Variants in DTNB observed in about 807,000 individuals in gnomAD.
DTNB encodes the protein DTN-B.
In DTNB, 63 loss-of-function variants were observed where a neutral mutation model predicts 90.7. The ratio of observed to expected loss-of-function variants is 0.69; its 90% CI spans 0.57 to 0.86. The LOEUF (loss-of-function observed/expected upper bound fraction) is 0.86. Among genes scored for constraint, DTNB ranks in the 40% least tolerant of loss-of-function variants. DTNB has a pLI of 0.00. For synonymous variants in DTNB, 277 were observed against 286.7 expected (o/e 0.97, Z 0.34); for missense variants, 744 against 807.1 (o/e 0.92, Z 0.95).
intron 8 of DTNB, among the ~76,000 whole-genome samples, chr2:25,560,384 A>G (rs751232924): frequency 2.7e-4 from 41 of 152,234 alleles, no homozygotes; most frequent in Non-Finnish European, 5.6e-4. Flanking sequence ...TAGACTGTGT[A>G]AAAGAGATGG....
At position 25,377,400 on chromosome 2, in the gene DTNB, G is replaced by C. The variant is rs556182242; in HGVS notation, c.*183C>G. Reference sequence around the variant, plus strand: ...ACGCAGCCCCTCCCCGCTTCCCACCGGCTCTGGCTCCCCTCTCCCTGGCGG... The same window carrying C: ...ACGCAGCCCCTCCCCGCTTCCCACCCGCTCTGGCTCCCCTCTCCCTGGCGG... On this transcript the variant is annotated 3_prime_UTR_variant, in exon 21 of 21. Transcript: ENST00000406818. The C allele has an allele frequency of 6.5e-6, 1 of 153,312 alleles. No homozygotes were observed. The highest frequency in any genetic ancestry group is 2.1e-4 in the South Asian group (1 of 4,844). 9.5% of individuals were successfully genotyped at this position (153,312 alleles called of 1,614,324 possible).
intron 6 of DTNB, among the ~76,000 whole-genome samples, chr2:25,593,505 G>C (rs985703103): frequency 6.6e-6 from 1 of 151,826 alleles, no homozygotes; most frequent in African/African-American, 2.4e-5. Flanking sequence ...TTCCCCTGAG[G>C]GTTTTTTCTT....
rs772309817 is a variant in DTNB at position 25,672,118 on chromosome 2, A to G, written c.-2+1268T>C. ...CATGAAAGACACATGGGAAAGTGGTAGCATGGCCACAGAAACCAAGACCTC... is the reference window on the plus strand; with the variant it reads ...CATGAAAGACACATGGGAAAGTGGTGGCATGGCCACAGAAACCAAGACCTC... On this transcript the variant is annotated intron_variant, in intron 1 of 20. Coordinates refer to ENST00000406818, the MANE Select transcript of DTNB (RefSeq NM_021907.5). 2.7e-5 allele frequency among the ~76,000 whole-genome samples: 4 copies of G among 145,816 alleles called. 1 individual carries two copies. The highest frequency in any genetic ancestry group is 6.0e-5 in the Non-Finnish European group (4 of 66,590).
chr2:25,486,074 A>C (rs1229565396), intron 9 of DTNB, among the ~76,000 whole-genome samples: 1 of 151,600 alleles, frequency 6.6e-6, no homozygotes, highest in East Asian at 1.9e-4. Flanking sequence ...GTGAGCCAAG[A>C]TCACGCCACT....
At chr2:25,441,451 T>C (rs1370772013) in intron 12 of DTNB, among the ~76,000 whole-genome samples, 1 of 152,242 alleles carries the variant, frequency 6.6e-6, no homozygotes, top group Admixed American at 6.5e-5. Context: ...CCTGTACCAG[T>C]GGCTTCTTGG....
intron 8 of DTNB, among the ~76,000 whole-genome samples, chr2:25,555,602 A>C (rs927463902): frequency 6.6e-6 from 1 of 152,152 alleles, no homozygotes; most frequent in Non-Finnish European, 1.5e-5. Context: ...CACAAAATCA[A>C]ATCTATTCTT....
intron 4 of DTNB, among the ~76,000 whole-genome samples, chr2:25,620,045 A>C (rs184894597): frequency 7.6e-4 from 115 of 152,208 alleles, no homozygotes; most frequent in African/African-American, 2.0e-3. Flanking sequence ...GTCTCAAAAA[A>C]AATAATAAAA....
At chr2:25,462,816 G>C (rs1417720274) in intron 10 of DTNB, among the ~76,000 whole-genome samples, 1 of 151,798 alleles carries the variant, frequency 6.6e-6, no homozygotes, top group East Asian at 1.9e-4. Context: ...CCATTCTCCT[G>C]CCTCAGCCTC....
At chr2:25,620,135 G>A (rs897159217) in intron 4 of DTNB, among the ~76,000 whole-genome samples, 4 of 152,174 alleles carry the variant, frequency 2.6e-5, no homozygotes, top group African/African-American at 9.7e-5. Context: ...AGACAGATGT[G>A]GGAGCTGAGG....
At chr2:25,625,134 A>G (rs2073830203) in intron 4 of DTNB, among the ~76,000 whole-genome samples, 1 of 152,224 alleles carries the variant, frequency 6.6e-6, no homozygotes, top group Admixed American at 6.5e-5. Flanking sequence ...TGGAGGTGAG[A>G]GAAGATTAAA....
chr2:25,620,627 A>G (rs903896527), intron 4 of DTNB, among the ~76,000 whole-genome samples: 1 of 152,182 alleles, frequency 6.6e-6, no homozygotes, highest in Non-Finnish European at 1.5e-5. Flanking sequence ...AAATTAGCAC[A>G]AACTCATGAC....
At position 25,555,002 on chromosome 2, in the gene DTNB, A is replaced by T. The variant is rs573926864; in HGVS notation, c.876+21836T>A. 3.8e-3 allele frequency among the ~76,000 whole-genome samples: 574 copies of T among 152,170 alleles called. 1 individual carries two copies. Among genetic ancestry groups the T allele is most frequent in the Admixed American group, 9.1e-3 (139 of 15,270 alleles). On this transcript the variant is annotated intron_variant, in intron 8 of 20. Coordinates refer to ENST00000406818, the MANE Select transcript of DTNB (RefSeq NM_021907.5). Reference sequence around the variant, plus strand: ...CTGTAATGTTTTCTTTCTTTTTTTTAAAAAAAGATCTGGGCGAGGTACAGT... The same window carrying T: ...CTGTAATGTTTTCTTTCTTTTTTTTTAAAAAAGATCTGGGCGAGGTACAGT...
rs778742998 is a variant in DTNB at position 25,455,508 on chromosome 2, A to C, written c.1080-14T>G. 6.3e-7 allele frequency: 1 copy of C among 1,596,980 alleles called. No individual in the cohort carries two copies. The highest frequency in any genetic ancestry group is 8.5e-7 in the Non-Finnish European group (1 of 1,171,242). The stretch of plus-strand genomic sequence containing the variant: ...CTATACTGTAACCTAGGAACAATGG[A>C]GGCAAAGACAGCAAGCGTGACACAA... On this transcript the variant is annotated splice_polypyrimidine_tract_variant and intron_variant, in intron 10 of 20. Transcript: ENST00000406818.
intron 8 of DTNB, among the ~76,000 whole-genome samples, chr2:25,556,973 T>G (rs2057464844): frequency 6.6e-6 from 1 of 152,200 alleles, no homozygotes; most frequent in South Asian, 2.1e-4. Flanking sequence ...AACATTACTC[T>G]GTAAGAAAAA....
At chr2:25,628,024 C>T in intron 4 of DTNB, 147 bp downstream of exon 4, 1 of 830,096 alleles carries the variant, frequency 1.2e-6, no homozygotes, top group Non-Finnish European at 1.9e-6. Flanking sequence ...CTGTGAGCTA[C>T]CGTGCCCAGC....
intron 4 of DTNB, among the ~76,000 whole-genome samples, chr2:25,615,601 G>C (rs1336106974): frequency 6.6e-6 from 1 of 152,074 alleles, no homozygotes; most frequent in Non-Finnish European, 1.5e-5. Flanking sequence ...ATCTACAAGG[G>C]GGTATCAGGA....
chr2:25,411,145 G>A (rs1394124684), intron 16 of DTNB, among the ~76,000 whole-genome samples: 1 of 151,898 alleles, frequency 6.6e-6, no homozygotes, highest in Admixed American at 6.6e-5. Flanking sequence ...GATCACCTGA[G>A]GTCAGGAGTT....
chr2:25,522,259 AC>A (rs1021985088), intron 9 of DTNB, among the ~76,000 whole-genome samples: 1 of 151,848 alleles, frequency 6.6e-6, no homozygotes, highest in South Asian at 2.1e-4. Flanking sequence ...TATTCTCACC[AC>A]CCCCCAGAAA....
At chr2:25,455,325 C>T in intron 11 of DTNB, 80 bp downstream of exon 11, 1 of 1,355,584 alleles carries the variant, frequency 7.4e-7, no homozygotes, top group Non-Finnish European at 9.9e-7. Context: ...GTTTTTTTTC[C>T]AGCTGACAAC....
Sources: allele counts gnomAD v4.1 joint callset (sites outside exome capture counted in the v4.1 genomes callset), GRCh38; gene constraint gnomAD v4.1.1; transcripts MANE v1.5; gene names NCBI Gene and HGNC (gene_info 2026-07-23, HGNC 2026-07-21).